NTM: variants seen among roughly 807,000 people sequenced by gnomAD.
NTM encodes IgLON family member 2.
A neutral mutation model predicts 42.1 loss-of-function variants in NTM; 13 were observed. That is an observed-to-expected ratio of 0.31 (90% CI 0.20 to 0.49). NTM has a LOEUF of 0.49. Among genes scored for constraint, NTM ranks in the 20% least tolerant of loss-of-function variants. The pLI is 0.99. For synonymous variants in NTM, 187 were observed against 179.2 expected (o/e 1.04, Z -0.35); for missense variants, 373 against 452.8 (o/e 0.82, Z 1.60).
At chr11:131,764,870 C>T (rs996282688) in intron 1 of NTM, among the ~76,000 whole-genome samples, 1 of 152,124 alleles carries the variant, frequency 6.6e-6, no homozygotes, top group East Asian at 1.9e-4. Flanking sequence ...GAGAGCTAAC[C>T]TCTAACACAA....
chr11:131,855,225 C>T (rs1459982103), intron 1 of NTM, among the ~76,000 whole-genome samples: 1 of 152,182 alleles, frequency 6.6e-6, no homozygotes, highest in East Asian at 1.9e-4. Context: ...AAACTTGCTA[C>T]TCCAAGACGT....
chr11:131,597,026 G>C (rs376473965), intron 1 of NTM, among the ~76,000 whole-genome samples: 3 of 152,132 alleles, frequency 2.0e-5, no homozygotes, highest in South Asian at 4.1e-4. Context: ...CTGCCTGCTT[G>C]TATTCTAGCT....
intron 1 of NTM, among the ~76,000 whole-genome samples, chr11:131,512,611 C>T (rs139247278): frequency 3.3e-5 from 5 of 152,228 alleles, no homozygotes. Flanking sequence ...CTGTTCCCCC[C>T]ACAGCAGACT....
chr11:131,882,138 G>T (rs1176868189), intron 1 of NTM, among the ~76,000 whole-genome samples: 1 of 152,190 alleles, frequency 6.6e-6, no homozygotes, highest in East Asian at 1.9e-4. Context: ...ATTATCTAGA[G>T]AATCAGAGTT....
intron 1 of NTM, among the ~76,000 whole-genome samples, chr11:131,908,275 G>A (rs569989365): frequency 6.6e-6 from 1 of 152,312 alleles, no homozygotes; most frequent in African/African-American, 2.4e-5. Flanking sequence ...TACTAATGAA[G>A]CAATGGCAGG....
chr11:132,324,671 C>CTACTT (rs199748192), intron 7 of NTM, among the ~76,000 whole-genome samples: 101,620 of 112,606 alleles, frequency 0.9, 45,789 homozygotes, highest in South Asian at 0.95. Flanking sequence ...GGAAAAAAAA[C>CTACTT]TAAAGTTCAT....
intron 1 of NTM, among the ~76,000 whole-genome samples, chr11:131,523,992 C>CA (rs34821536): frequency 0.17 from 26,277 of 151,910 alleles, 2,314 homozygotes; most frequent in Middle Eastern, 0.23. Context: ...GAGGACTTCT[C>CA]CCATAATTCA....
chr11:132,094,038 C>T (rs148634550), intron 2 of NTM, among the ~76,000 whole-genome samples: 1,758 of 152,150 alleles, frequency 0.012, 35 homozygotes, highest in African/African-American at 0.04. Context: ...ACAGAAACCG[C>T]CGGTTTGGTT....
chr11:131,889,295 G>A (rs2050874162), intron 1 of NTM, among the ~76,000 whole-genome samples: 1 of 152,176 alleles, frequency 6.6e-6, no homozygotes, highest in African/African-American at 2.4e-5. Context: ...TCAGCTCCCA[G>A]ATTGAAGTAA....
intron 1 of NTM, among the ~76,000 whole-genome samples, chr11:131,883,383 G>A (rs542373062): frequency 6.6e-6 from 1 of 152,274 alleles, no homozygotes; most frequent in East Asian, 1.9e-4. Context: ...TCTACAAGTA[G>A]GTCACCTCTT....
At position 131,893,830 on chromosome 11, in the gene NTM, A is replaced by G. The variant is rs573519409; in HGVS notation, c.83-17734A>G. 2.0e-5 allele frequency among the ~76,000 whole-genome samples: 3 copies of G among 152,218 alleles called. No individual in the cohort carries two copies. The East Asian group carries it at 5.8e-4, about 30-fold the overall frequency. On this transcript the variant is annotated intron_variant, in intron 1 of 8. Transcript: ENST00000683400. ...CGGCATGTGAGATCTGCGTGTCATG[A>G]GTGAAAGGTGGCCACCTTTCTTCAT... is the stretch of plus-strand genomic sequence containing the variant.
intron 2 of NTM, among the ~76,000 whole-genome samples, chr11:132,060,329 C>T (rs551542585): frequency 4.6e-5 from 7 of 152,296 alleles, no homozygotes; most frequent in African/African-American, 1.2e-4. Flanking sequence ...CTGGTGCATT[C>T]GAGGCTGAAG....
At chr11:132,292,116 G>A (rs2094466872) in intron 4 of NTM, among the ~76,000 whole-genome samples, 1 of 152,176 alleles carries the variant, frequency 6.6e-6, no homozygotes, top group Non-Finnish European at 1.5e-5. Context: ...CCAGGTAGCT[G>A]ATGAAGGGAA....
chr11:132,151,775 A>G (rs1591842584), intron 3 of NTM, among the ~76,000 whole-genome samples: 1 of 152,232 alleles, frequency 6.6e-6, no homozygotes, highest in South Asian at 2.1e-4. Context: ...TCTATGGAAT[A>G]GGGCAGGAAT....
intron 2 of NTM, among the ~76,000 whole-genome samples, chr11:132,070,111 G>T (rs367809304): frequency 1.0e-5 from 1 of 97,558 alleles, no homozygotes; most frequent in Non-Finnish European, 2.0e-5. Context: ...CAAACTGACC[G>T]TCACAGGTTA....
At chr11:132,255,941 G>T (rs566493647) in intron 4 of NTM, among the ~76,000 whole-genome samples, 1 of 152,140 alleles carries the variant, frequency 6.6e-6, no homozygotes, top group African/African-American at 2.4e-5. Context: ...TCCCAAATCT[G>T]CTGCAAAACA....
intron 1 of NTM, among the ~76,000 whole-genome samples, chr11:131,748,655 A>C (rs2082114196): frequency 6.6e-6 from 1 of 152,252 alleles, no homozygotes; most frequent in Non-Finnish European, 1.5e-5. Context: ...AGTGAATCAC[A>C]CATCGGTTCA....
intron 1 of NTM, among the ~76,000 whole-genome samples, chr11:131,692,071 CAG>C (rs1020904425): frequency 3.9e-5 from 6 of 152,282 alleles, no homozygotes; most frequent in African/African-American, 1.2e-4. Context: ...GGAGGAAAAA[CAG>C]AGGAAACGGG....
At chr11:131,524,123 TC>T (rs1292373227) in intron 1 of NTM, among the ~76,000 whole-genome samples, 1 of 152,196 alleles carries the variant, frequency 6.6e-6, no homozygotes, top group Non-Finnish European at 1.5e-5. Context: ...CTCCATGTGG[TC>T]TCAGTTAGGC....
Sources: gnomAD v4.1 joint callset for allele counts (sites outside exome capture counted in the v4.1 genomes callset) on GRCh38, gnomAD v4.1.1 for gene constraint, MANE v1.5 for transcripts, NCBI Gene and HGNC (gene_info 2026-07-23, HGNC 2026-07-21) for gene names.